The following PNLIPRP1 variants were observed in gnomAD, a reference collection of about 807,000 sequenced individuals.
The protein encoded by PNLIPRP1 is inactive pancreatic lipase-related protein 1.
A neutral mutation model predicts 54.6 loss-of-function variants in PNLIPRP1; 57 were observed. The ratio of observed to expected loss-of-function variants is 1.04; its 90% CI spans 0.84 to 1.30. PNLIPRP1 has a LOEUF of 1.30. Ranked by LOEUF, PNLIPRP1 falls within the 50% of genes most tolerant of loss-of-function variation. The pLI is 0.00. For synonymous variants in PNLIPRP1, 232 were observed against 208.8 expected (o/e 1.11, Z -0.96); for missense variants, 567 against 568.5 (o/e 1.00, Z 0.03).
In PNLIPRP1 at chr10:116,597,357, G is replaced by A. The variant is rs557769687; in HGVS notation, c.575-471G>A. ...CCCCATTTTGTAAAATGAAGAACCT[G>A]AAGCACAAAAAGGTAGAGTGACATG... On this transcript the variant is annotated intron_variant, in intron 6 of 12. Coordinates refer to ENST00000358834, the MANE Select transcript of PNLIPRP1 (RefSeq NM_006229.4). Among the ~76,000 whole-genome samples, 204 of 152,246 alleles carry A rather than the reference G, an allele frequency of 1.3e-3. 1 individual carries two copies. The highest frequency in any genetic ancestry group is 4.7e-3 in the African/African-American group (196 of 41,542).
chr10:116,600,920 T>C, intron 9 of PNLIPRP1, 152 bp from the exon 10 acceptor site: 1 of 626,792 alleles, frequency 1.6e-6, no homozygotes, highest in Non-Finnish European at 2.7e-6. Context: ...CTGATCCAGA[T>C]GAAGGTAATT....
rs150961372 is a variant in PNLIPRP1 at position 116,591,863 on chromosome 10, A to G, written c.142A>G (p.Ser48Gly). Residue 48 changes from serine to glycine, a missense_variant, in exon 3 of 13, where the codon AGC becomes GGC. Transcript: ENST00000358834. ...AIRPLKILPW[S>G]PEKIGTRFLL... is the part of the protein sequence containing the mutation. ...CAGGCCCCTGAAAATTCTCCCCTGG[A>G]GCCCTGAGAAGATCGGCACCCGCTT... The G allele has an allele frequency of 5.0e-5, 80 of 1,614,062 alleles. No individual in the cohort carries two copies. Among genetic ancestry groups the G allele is most frequent in the Non-Finnish European group, 6.4e-5 (75 of 1,180,046 alleles).
At chr10:116,597,147 G>A (rs782340933) in intron 6 of PNLIPRP1, among the ~76,000 whole-genome samples, 22 of 152,090 alleles carry the variant, frequency 1.4e-4, no homozygotes, top group Admixed American at 1.2e-3. Flanking sequence ...TTTATCAGCT[G>A]CTGTAATGAA....
chr10:116,595,201 CACA>C (rs1554863788), intron 5 of PNLIPRP1: 1 of 285,190 alleles, frequency 3.5e-6, no homozygotes, highest in African/African-American at 2.2e-5. Flanking sequence ...AGAATTCACC[CACA>C]ACACCAGGTG....
chr10:116,599,116 G>A (rs1443789935), intron 8 of PNLIPRP1, among the ~76,000 whole-genome samples: 4 of 151,874 alleles, frequency 2.6e-5, no homozygotes, highest in African/African-American at 7.3e-5. Context: ...GTAGCCAGTC[G>A]TGGTGGTGCG....
Position 116,598,064 on chromosome 10 carries a change from C to T in PNLIPRP1, c.712C>T (p.Gln238Ter), listed in dbSNP as rs781826509. ...CATTTCAGGTTTTGGAACGAACCAACAGATGGGTCATCTTGACTTCTTCCC... is the reference window on the plus strand; with the variant it reads ...CATTTCAGGTTTTGGAACGAACCAATAGATGGGTCATCTTGACTTCTTCCC... ...IPFLGFGTNQ[Q>*]MGHLDFFPNG... Residue 238 changes from glutamine to a stop codon, truncating the protein, a stop_gained, in exon 8 of 13, where the codon CAG (glutamine) becomes TAG (stop). Coordinates refer to ENST00000358834, the MANE Select transcript of PNLIPRP1 (RefSeq NM_006229.4). LOFTEE classifies it high-confidence loss of function. 10 of 1,613,976 alleles carry T rather than the reference C, an allele frequency of 6.2e-6. No homozygotes were observed. Among genetic ancestry groups the T allele is most frequent in the African/African-American group, 1.3e-5 (1 of 74,898 alleles).
Position 116,591,876 on chromosome 10 carries a change from T to C in PNLIPRP1, c.155T>C (p.Ile52Thr), listed in dbSNP as rs576580435. 3 of 1,614,162 alleles carry C rather than the reference T, an allele frequency of 1.9e-6. No homozygotes were observed. In the Admixed American group the frequency reaches 5.0e-5, roughly 27 times the overall value. The change falls in exon 3 of 13, where the codon ATC becomes ACC. Residue 52 changes from isoleucine to threonine, a missense_variant. By Grantham distance (89) the Ile-to-Thr change is moderately conservative. Coordinates refer to ENST00000358834, the MANE Select transcript of PNLIPRP1 (RefSeq NM_006229.4). ...LKILPWSPEK[I>T]GTRFLLYTNE... ...ATTCTCCCCTGGAGCCCTGAGAAGA[T>C]CGGCACCCGCTTCCTGCTGTACACC...
intron 4 of PNLIPRP1, chr10:116,592,876 T>A (rs1847665501): frequency 2.7e-6 from 1 of 371,340 alleles, no homozygotes; most frequent in Non-Finnish European, 5.3e-6. Context: ...CCCACATCCC[T>A]GAGAGGCTGA....
At chr10:116,596,964 T>G (rs1486770151) in intron 6 of PNLIPRP1, among the ~76,000 whole-genome samples, 4 of 152,174 alleles carry the variant, frequency 2.6e-5, no homozygotes, top group Non-Finnish European at 5.9e-5. Flanking sequence ...TCTTATATAA[T>G]TCTCAGAACT....
chr10:116,601,124 C>T lies in PNLIPRP1; in HGVS notation c.986C>T (p.Ala329Val). The T allele has an allele frequency of 6.2e-7, 1 of 1,613,958 alleles. No homozygotes were observed. Among genetic ancestry groups the T allele is most frequent in the South Asian group, 1.1e-5 (1 of 91,056 alleles). ...DQGCPQMGHYADKFAGRTSEE... is the reference protein window; with the variant it reads ...DQGCPQMGHYVDKFAGRTSEE... Reference sequence around the variant, plus strand: ...GGATGCCCACAGATGGGTCACTATGCTGATAAATTTGCTGGCAGGACAAGT... The same window carrying T: ...GGATGCCCACAGATGGGTCACTATGTTGATAAATTTGCTGGCAGGACAAGT... The change falls in exon 10 of 13, where the codon GCT becomes GTT. Residue 329 changes from alanine (A) to valine (V), a missense_variant. By Grantham distance (64) the Ala-to-Val change is moderately conservative. Coordinates refer to ENST00000358834, the MANE Select transcript of PNLIPRP1 (RefSeq NM_006229.4).
Position 116,591,093 on chromosome 10 carries a change from GC to G in PNLIPRP1, c.1-34del, listed in dbSNP as rs1377810627. 6 of 1,582,306 alleles carry G rather than the reference GC, an allele frequency of 3.8e-6. No homozygotes were observed. The African/African-American group carries it at 8.1e-5, about 21-fold the overall frequency. ...CGTCGGTGCTCACTGCTCTGGCAAT[GC>G]CCGGTGAGACTGAATTATGTTTAAA... On this transcript the variant is annotated intron_variant, in intron 1 of 12. Transcript: ENST00000358834.
chr10:116,599,715 T>C (rs781861431), intron 8 of PNLIPRP1, among the ~76,000 whole-genome samples: 7 of 152,142 alleles, frequency 4.6e-5, no homozygotes, highest in Non-Finnish European at 8.8e-5. Context: ...TTCCCACCTA[T>C]TAGCTAAGCT....
At chr10:116,594,532 A>G in intron 4 of PNLIPRP1, 198 bp from the exon 5 acceptor site, 2 of 631,398 alleles carry the variant, frequency 3.2e-6, no homozygotes, top group South Asian at 1.9e-5. Flanking sequence ...TGCAAGCTGG[A>G]GGGGGAATCA....
At chr10:116,596,434 T>C (rs1050978245) in intron 6 of PNLIPRP1, 112 bp downstream of exon 6, 8 of 680,076 alleles carry the variant, frequency 1.2e-5, no homozygotes, top group Admixed American at 1.0e-4. Flanking sequence ...CCCTTGGCTG[T>C]GATAGAGCTG....
At position 116,602,838 on chromosome 10, in the gene PNLIPRP1, C is replaced by T. The variant is rs1016677930; in HGVS notation, c.1064-1192C>T. 3.9e-5 allele frequency among the ~76,000 whole-genome samples: 6 copies of T among 152,058 alleles called. No individual in the cohort carries two copies. In the East Asian group the frequency reaches 1.2e-3, roughly 29 times the overall value. ...CTGTATGTTTATGTATATGTATGTG[C>T]ATGTGTATGTATATTTGTATGTGGG... On this transcript the variant is annotated intron_variant, in intron 10 of 12. Transcript: ENST00000358834.
chr10:116,599,592 T>C (rs1847797439), intron 8 of PNLIPRP1, among the ~76,000 whole-genome samples: 1 of 152,188 alleles, frequency 6.6e-6, no homozygotes, highest in Admixed American at 6.5e-5. Context: ...CTTGGTCATG[T>C]CACATCTGGT....
intron 8 of PNLIPRP1, among the ~76,000 whole-genome samples, chr10:116,599,655 G>T (rs566375086): frequency 6.6e-6 from 1 of 152,340 alleles, no homozygotes; most frequent in South Asian, 2.1e-4. Flanking sequence ...TGGCACTAAG[G>T]TTAGAGGGAT....
chr10:116,595,543 A>T (rs1005389527), intron 5 of PNLIPRP1: 1 of 152,922 alleles, frequency 6.5e-6, no homozygotes, highest in Non-Finnish European at 1.5e-5. Context: ...AACCCATGGT[A>T]TTTGTGCAAG....
At chr10:116,607,416 C>T (rs565804603) in intron 12 of PNLIPRP1, among the ~76,000 whole-genome samples, 1 of 152,178 alleles carries the variant, frequency 6.6e-6, no homozygotes, top group African/African-American at 2.4e-5. Flanking sequence ...AAAGAACTCC[C>T]AGGAGAGGCT....
Sources: gnomAD v4.1 joint callset for allele counts (sites outside exome capture counted in the v4.1 genomes callset) on GRCh38, gnomAD v4.1.1 for gene constraint, MANE v1.5 for transcripts, NCBI Gene and HGNC (gene_info 2026-07-23, HGNC 2026-07-21) for gene names.